OPCML: variants seen among roughly 807,000 people sequenced by gnomAD.
The protein encoded by OPCML is opioid-binding protein/cell adhesion molecule.
A neutral mutation model predicts 37.8 loss-of-function variants in OPCML; 13 were observed. The observed-to-expected ratio is 0.34, with a 90% CI of 0.22 to 0.55. OPCML has a LOEUF of 0.55. Ranked by LOEUF, OPCML falls within the 20% of genes least tolerant of loss-of-function variation. The probability of loss-of-function intolerance (pLI) is 0.91; values close to 1 mark genes in which losing one functional copy is unlikely to be tolerated. For missense variants in OPCML, 341 were observed against 435.6 expected (o/e 0.78, Z 1.93); for synonymous variants, 176 against 168.8 (o/e 1.04, Z -0.33).
rs375788899 is a variant in OPCML, at chr11:133,207,225, A to G, written c.62-264215T>C. Among the ~76,000 whole-genome samples the G allele has an allele frequency of 7.6e-4, 115 of 151,946 alleles. 1 individual carries two copies. In the South Asian group the frequency reaches 0.013, roughly 17 times the overall value. Reference sequence around the variant, plus strand: ...TGAGGCAGGAGAATGGCGTGAACCCAGGAGGCGGAGCTTGTAGTGAGCCGA... The same window carrying G: ...TGAGGCAGGAGAATGGCGTGAACCCGGGAGGCGGAGCTTGTAGTGAGCCGA... On this transcript the variant is annotated intron_variant, in intron 1 of 7. Transcript: ENST00000524381.
intron 2 of OPCML, among the ~76,000 whole-genome samples, chr11:132,869,431 T>A (rs1252868137): frequency 1.3e-5 from 2 of 152,152 alleles, no homozygotes; most frequent in African/African-American, 4.8e-5. Flanking sequence ...TATCCTGTCA[T>A]CTTTAACATT....
At chr11:133,126,906 G>A (rs1028419704) in intron 1 of OPCML, among the ~76,000 whole-genome samples, 1 of 152,052 alleles carries the variant, frequency 6.6e-6, no homozygotes, top group Non-Finnish European at 1.5e-5. Context: ...GTGCCTGGAA[G>A]AGGGGCAGGT....
intron 4 of OPCML, among the ~76,000 whole-genome samples, chr11:132,477,803 G>C (rs1395667427): frequency 3.3e-5 from 5 of 152,290 alleles, no homozygotes; most frequent in Admixed American, 3.3e-4. Flanking sequence ...CTTTAGGAAA[G>C]AGTATTACCT....
chr11:133,297,112 C>G (rs1192422437), intron 1 of OPCML: 1 of 152,122 alleles, frequency 6.6e-6, no homozygotes, highest in Non-Finnish European at 1.5e-5. Context: ...AGACTTCCTT[C>G]CAATGGGATT....
At chr11:133,431,456 A>G (rs780693421) in intron 1 of OPCML, among the ~76,000 whole-genome samples, 10 of 142,536 alleles carry the variant, frequency 7.0e-5, no homozygotes, top group African/African-American at 1.5e-4. Context: ...ATGAATCTCA[A>G]TGTTTTTTGT....
intron 1 of OPCML, among the ~76,000 whole-genome samples, chr11:133,190,219 G>A (rs949772062): frequency 2.6e-5 from 4 of 152,202 alleles, no homozygotes; most frequent in Admixed American, 6.5e-5. Flanking sequence ...TCCCCATGGA[G>A]ACAAAAGATG....
chr11:132,659,042 C>T (rs938311292), intron 2 of OPCML, among the ~76,000 whole-genome samples: 4 of 152,188 alleles, frequency 2.6e-5, no homozygotes, highest in Non-Finnish European at 5.9e-5. Flanking sequence ...GGCCCAACTG[C>T]ATTCACCAGT....
At chr11:133,418,064 C>T (rs771167880) in intron 1 of OPCML, 13 of 985,338 alleles carry the variant, frequency 1.3e-5, no homozygotes, top group Non-Finnish European at 1.6e-5. Context: ...TGCTTGAACA[C>T]AGTGCTACTT....
At chr11:133,144,625 G>C (rs1949872949) in intron 1 of OPCML, among the ~76,000 whole-genome samples, 1 of 152,214 alleles carries the variant, frequency 6.6e-6, no homozygotes, top group Non-Finnish European at 1.5e-5. Context: ...TTTGTCGAGT[G>C]CATAAGTGAT....
chr11:132,788,438 A>G (rs992442977), intron 2 of OPCML, among the ~76,000 whole-genome samples: 1 of 152,156 alleles, frequency 6.6e-6, no homozygotes, highest in Non-Finnish European at 1.5e-5. Context: ...TGCTCCTTAT[A>G]TCTAAGGATA....
chr11:133,297,147 C>T (rs531963957), intron 1 of OPCML: 1 of 152,128 alleles, frequency 6.6e-6, no homozygotes, highest in African/African-American at 2.4e-5. Context: ...CTTCTGAGGT[C>T]TCTCCTGAAG....
At chr11:133,386,854 G>A (rs940872403) in intron 1 of OPCML, among the ~76,000 whole-genome samples, 13 of 152,236 alleles carry the variant, frequency 8.5e-5, no homozygotes, top group African/African-American at 2.7e-4. Flanking sequence ...AGCAGGGACA[G>A]AGCACGGTGA....
intron 2 of OPCML, among the ~76,000 whole-genome samples, chr11:132,663,269 T>C (rs183658528): frequency 1.3e-5 from 2 of 152,290 alleles, no homozygotes; most frequent in African/African-American, 4.8e-5. Flanking sequence ...TACATATTTA[T>C]AGTGATAAAA....
chr11:132,731,634 T>C (rs573797638), intron 2 of OPCML, among the ~76,000 whole-genome samples: 81 of 152,198 alleles, frequency 5.3e-4, no homozygotes, highest in African/African-American at 1.9e-3. Flanking sequence ...ATGATTTGAG[T>C]GTGTTGCGTT....
chr11:133,047,731 C>T (rs1335625181), intron 1 of OPCML, among the ~76,000 whole-genome samples: 1 of 152,208 alleles, frequency 6.6e-6, no homozygotes, highest in East Asian at 1.9e-4. Context: ...TGAAAGATTA[C>T]AGCTCAGAAG....
intron 1 of OPCML, among the ~76,000 whole-genome samples, chr11:132,972,797 A>C (rs1009347978): frequency 6.6e-6 from 1 of 152,142 alleles, no homozygotes; most frequent in Non-Finnish European, 1.5e-5. Context: ...TGTGATCTTC[A>C]TGGGAAACCG....
chr11:132,476,835 T>A (rs974473687), intron 4 of OPCML, among the ~76,000 whole-genome samples: 30 of 151,990 alleles, frequency 2.0e-4, no homozygotes, highest in African/African-American at 7.0e-4. Context: ...AAATTTAAAG[T>A]ATAATAATAA....
chr11:132,605,381 C>A (rs1455986701), intron 3 of OPCML, among the ~76,000 whole-genome samples: 1 of 151,170 alleles, frequency 6.6e-6, no homozygotes, highest in East Asian at 1.9e-4. Flanking sequence ...CATGGTGAAA[C>A]CTCATCTCTA....
intron 1 of OPCML, among the ~76,000 whole-genome samples, chr11:133,230,594 GGCACTTC>G (rs1438571199): frequency 6.6e-6 from 1 of 152,118 alleles, no homozygotes; most frequent in Non-Finnish European, 1.5e-5. Context: ...GACCTTATCT[GGCACTTC>G]GCATTCCTAG....
Sources: allele counts gnomAD v4.1 joint callset (sites outside exome capture counted in the v4.1 genomes callset), GRCh38; gene constraint gnomAD v4.1.1; transcripts MANE v1.5; gene names NCBI Gene and HGNC (gene_info 2026-07-23, HGNC 2026-07-21).